Variants in DCDC2 observed in about 807,000 individuals in gnomAD.
DCDC2 encodes the protein doublecortin domain containing 2.
In DCDC2, 40 loss-of-function variants were observed where a neutral mutation model predicts 50.2. The ratio of observed to expected loss-of-function variants is 0.80; its 90% CI spans 0.62 to 1.04. DCDC2 has a LOEUF of 1.04. Ranked by LOEUF, DCDC2 falls within the 50% of genes least tolerant of loss-of-function variation. The probability of loss-of-function intolerance (pLI) is 0.00; values close to 1 mark genes in which losing one functional copy is unlikely to be tolerated. For missense variants in DCDC2, 570 were observed against 581.9 expected, an observed-to-expected ratio of 0.98 and a Z score of 0.21; for synonymous variants, 234 against 210.6, an observed-to-expected ratio of 1.11 and a Z score of -0.96.
In DCDC2 at chr6:24,205,606, T is replaced by C. The variant is rs971199773; in HGVS notation, c.923-504A>G. ...CTGCAGCCAAATCATAGAGTTGACTTTCCATATCTCACCAAAAAATCAGTA... is the reference window on the plus strand; with the variant it reads ...CTGCAGCCAAATCATAGAGTTGACTCTCCATATCTCACCAAAAAATCAGTA... On this transcript the variant is annotated intron_variant, in intron 7 of 9. Coordinates refer to ENST00000378454, the MANE Select transcript of DCDC2 (RefSeq NM_016356.5). Among the ~76,000 whole-genome samples the C allele has an allele frequency of 2.0e-5, 3 of 152,050 alleles. No individual in the cohort carries two copies. The East Asian group carries it at 5.8e-4, about 29-fold the overall frequency.
At chr6:24,189,744 G>A (rs1042129944) in intron 8 of DCDC2, among the ~76,000 whole-genome samples, 2 of 152,010 alleles carry the variant, frequency 1.3e-5, no homozygotes, top group Non-Finnish European at 2.9e-5. Flanking sequence ...CCTAGACCTA[G>A]AAACTGGAGA....
At chr6:24,208,043 C>A (rs1761761319) in intron 7 of DCDC2, among the ~76,000 whole-genome samples, 1 of 152,204 alleles carries the variant, frequency 6.6e-6, no homozygotes, top group Admixed American at 6.5e-5. Flanking sequence ...AATACCCTGA[C>A]TCTTCAACTC....
chr6:24,252,004 T>C (rs553154027), intron 7 of DCDC2, among the ~76,000 whole-genome samples: 242 of 152,326 alleles, frequency 1.6e-3, no homozygotes, highest in South Asian at 0.014. Flanking sequence ...TATGACCTAG[T>C]CCCAGCCTAC....
At chr6:24,286,060 T>C (rs949676325) in intron 6 of DCDC2, among the ~76,000 whole-genome samples, 1 of 152,204 alleles carries the variant, frequency 6.6e-6, no homozygotes, top group Admixed American at 6.5e-5. Flanking sequence ...TCTGATATTG[T>C]TTTCACCTCC....
At chr6:24,252,062 C>T (rs187420672) in intron 7 of DCDC2, among the ~76,000 whole-genome samples, 3 of 152,288 alleles carry the variant, frequency 2.0e-5, no homozygotes, top group African/African-American at 7.2e-5. Flanking sequence ...ATCGTCCTCT[C>T]CAGCCAAAGT....
chr6:24,329,135 C>T (rs1759924089), intron 2 of DCDC2, among the ~76,000 whole-genome samples: 1 of 152,082 alleles, frequency 6.6e-6, no homozygotes, highest in East Asian at 1.9e-4. Context: ...AAATGATGAG[C>T]CCTCCCTACT....
At chr6:24,228,884 G>A (rs982455755) in intron 7 of DCDC2, among the ~76,000 whole-genome samples, 5 of 152,142 alleles carry the variant, frequency 3.3e-5, no homozygotes, top group Non-Finnish European at 7.3e-5. Flanking sequence ...TCTTGAGGGG[G>A]CTGGTTGCCT....
chr6:24,343,704 TG>T (rs1561782100), intron 2 of DCDC2, among the ~76,000 whole-genome samples: 1 of 152,224 alleles, frequency 6.6e-6, no homozygotes, highest in African/African-American at 2.4e-5. Flanking sequence ...CTGAATCTCA[TG>T]CAATATAAGA....
At chr6:24,291,406 C>T (rs1197176099) in intron 4 of DCDC2, among the ~76,000 whole-genome samples, 1 of 150,616 alleles carries the variant, frequency 6.6e-6, no homozygotes, top group Non-Finnish European at 1.5e-5. Context: ...TTAACTTGTA[C>T]AGATCACAGT....
chr6:24,361,915 G>A (rs1760671580), upstream of DCDC2, among the ~76,000 whole-genome samples: 1 of 152,152 alleles, frequency 6.6e-6, no homozygotes, highest in Non-Finnish European at 1.5e-5. Flanking sequence ...GTGGTGATAA[G>A]TGTTTAACTG....
Position 24,337,632 on chromosome 6 carries a change from A to C in DCDC2, c.348+15937T>G, listed in dbSNP as rs180690788. On this transcript the variant is annotated intron_variant, in intron 2 of 9. Transcript: ENST00000378454. ...AACATGGTGAAACCCCATCTCTACCAAAAAAATATAAAAAAATTAGCTGGG... is the reference window on the plus strand; with the variant it reads ...AACATGGTGAAACCCCATCTCTACCCAAAAAATATAAAAAAATTAGCTGGG... Among the ~76,000 whole-genome samples, 487 of 151,942 alleles carry C rather than the reference A, an allele frequency of 3.2e-3. 4 individuals carry two copies. Among genetic ancestry groups the C allele is most frequent in the African/African-American group, 0.011 (446 of 41,436 alleles).
chr6:24,201,452 A>G (rs569216345), intron 8 of DCDC2, among the ~76,000 whole-genome samples: 1 of 152,180 alleles, frequency 6.6e-6, no homozygotes, highest in Non-Finnish European at 1.5e-5. Flanking sequence ...ATTTGAAACC[A>G]ATGAGAACAA....
chr6:24,358,105 G>C (rs1015321705), upstream of DCDC2: 3 of 618,464 alleles, frequency 4.9e-6, no homozygotes, highest in African/African-American at 5.5e-5. Context: ...GGCACGCCTA[G>C]TGAGGGCAGG....
chr6:24,265,629 C>T (rs1035572073), intron 7 of DCDC2, among the ~76,000 whole-genome samples: 1 of 151,962 alleles, frequency 6.6e-6, no homozygotes, highest in Admixed American at 6.6e-5. Flanking sequence ...TGTACAAGTA[C>T]ATGGAAACTA....
chr6:24,377,414 T>C, the DCDC2 span, among the ~76,000 whole-genome samples: 2 of 152,190 alleles, frequency 1.3e-5, no homozygotes, highest in Non-Finnish European at 2.9e-5. Flanking sequence ...CAAATACACA[T>C]TCCAACCCAT....
intron 9 of DCDC2, among the ~76,000 whole-genome samples, chr6:24,176,249 T>G (rs1247720295): frequency 1.3e-5 from 2 of 151,966 alleles, no homozygotes; most frequent in East Asian, 3.9e-4. Flanking sequence ...TGAGCTGTGA[T>G]CACGCCACTG....
At chr6:24,246,041 T>C (rs1476144534) in intron 7 of DCDC2, among the ~76,000 whole-genome samples, 1 of 152,176 alleles carries the variant, frequency 6.6e-6, no homozygotes, top group African/African-American at 2.4e-5. Flanking sequence ...CCTCACTCTG[T>C]TGCCCAGGCT....
chr6:24,219,093 CA>C (rs140804859), intron 7 of DCDC2, among the ~76,000 whole-genome samples: 2,112 of 152,174 alleles, frequency 0.014, 35 homozygotes, highest in African/African-American at 0.047. Flanking sequence ...GTATTAAGTG[CA>C]GTTGAATTAA....
chr6:24,184,974 AT>A (rs1331243655), intron 8 of DCDC2, among the ~76,000 whole-genome samples: 1 of 152,218 alleles, frequency 6.6e-6, no homozygotes, highest in African/African-American at 2.4e-5. Flanking sequence ...CTGAGAACAT[AT>A]TACCAGTGCT....
Sources: gnomAD v4.1 joint callset for allele counts (sites outside exome capture counted in the v4.1 genomes callset) on GRCh38, gnomAD v4.1.1 for gene constraint, MANE v1.5 for transcripts, NCBI Gene and HGNC (gene_info 2026-07-23, HGNC 2026-07-21) for gene names.